DESI1: variants seen among roughly 807,000 people sequenced by gnomAD.
DESI1 encodes the protein PPPDE peptidase domain containing 2.
In DESI1, 17 loss-of-function variants were observed where a neutral mutation model predicts 22.4. The observed-to-expected ratio is 0.76, with a 90% CI of 0.52 to 1.14. The LOEUF (loss-of-function observed/expected upper bound fraction) is 1.14. Ranked by LOEUF, DESI1 falls within the 50% of genes most tolerant of loss-of-function variation. The pLI, the probability that DESI1 is intolerant of heterozygous loss-of-function variation, is 0.00. For synonymous variants in DESI1, 92 were observed against 84.2 expected (o/e 1.09, Z -0.51); for missense variants, 177 against 208.9 (o/e 0.85, Z 0.94).
chr22:41,615,885 C>A (rs906897591), intron 1 of DESI1, among the ~76,000 whole-genome samples: 2 of 152,096 alleles, frequency 1.3e-5, no homozygotes, highest in African/African-American at 4.8e-5. Context: ...ATATTGTTAT[C>A]AAATGTTATA....
Position 41,602,865 on chromosome 22 carries a change from T to A in DESI1, c.413+394A>T, listed in dbSNP as rs903251739. On this transcript the variant is annotated intron_variant, in intron 5 of 5. Coordinates refer to ENST00000263256, the MANE Select transcript of DESI1 (RefSeq NM_015704.3). ...GTGCAGTGTAAGGCAAATCAACAGC[T>A]ACAAAACAAGCCCCCCTACTATTTT... 4 of 990,072 alleles carry A rather than the reference T, an allele frequency of 4.0e-6. No homozygotes were observed. In the African/African-American group the frequency reaches 6.8e-5, roughly 17 times the overall value. The allele number at this position is 990,072 out of a possible 1,614,324, so 61.3% of individuals were successfully genotyped here. A position where few individuals can be genotyped will look rare whatever the true frequency, so the allele number is the denominator to read the frequency against.
intron 3 of DESI1, 95 bp from the exon 4 acceptor site, chr22:41,604,248 GACTTTTTT>G: frequency 4.1e-6 from 2 of 487,982 alleles, no homozygotes; most frequent in Non-Finnish European, 6.4e-6. Flanking sequence ...ACTCTGTTCT[GACTTTTTT>G]TTTTTTTTTT....
intron 1 of DESI1, among the ~76,000 whole-genome samples, chr22:41,619,913 C>G (rs570985198): frequency 1.3e-5 from 2 of 152,282 alleles, no homozygotes; most frequent in Admixed American, 1.3e-4. Flanking sequence ...AAATTACAAA[C>G]CTGACAATTC....
chr22:41,602,700 G>A, intron 5 of DESI1: 3 of 988,698 alleles, frequency 3.0e-6, no homozygotes, highest in Non-Finnish European at 3.6e-6. Context: ...ATGATGGCCT[G>A]CAAGGCTCTT....
At chr22:41,614,506 T>C (rs1412689088) in intron 1 of DESI1, among the ~76,000 whole-genome samples, 1 of 145,830 alleles carries the variant, frequency 6.9e-6, no homozygotes, top group Non-Finnish European at 1.5e-5. Flanking sequence ...GCAACCTCCG[T>C]CTCCGGGGTT....
intron 5 of DESI1, chr22:41,602,872 C>T: frequency 1.1e-6 from 1 of 952,350 alleles, no homozygotes. Flanking sequence ...AGCTACAAAA[C>T]AAGCCCCCCT....
At chr22:41,608,375 G>A (rs1776696925) in intron 1 of DESI1, among the ~76,000 whole-genome samples, 1 of 152,208 alleles carries the variant, frequency 6.6e-6, no homozygotes. Context: ...CCCTTGAGAA[G>A]CTCAAAGTCA....
chr22:41,606,846 G>A (rs1212273808), intron 3 of DESI1, among the ~76,000 whole-genome samples: 1 of 150,650 alleles, frequency 6.6e-6, no homozygotes, highest in East Asian at 1.9e-4. Flanking sequence ...ATAATCCTGG[G>A]TTCTAGGACT....
At chr22:41,618,861 G>C (rs940672861) in intron 1 of DESI1, among the ~76,000 whole-genome samples, 2 of 152,138 alleles carry the variant, frequency 1.3e-5, no homozygotes, top group Non-Finnish European at 2.9e-5. Flanking sequence ...TGAGGAGATC[G>C]AGACCATCCT....
Position 41,601,169 on chromosome 22 carries a change from C to A in DESI1, c.435G>T (p.Arg145=). 1.2e-6 allele frequency: 2 copies of A among 1,611,270 alleles called. No homozygotes were observed. The highest frequency in any genetic ancestry group is 1.7e-6 in the Non-Finnish European group (2 of 1,178,998). ...VLSTPFGQAL[R]PLLDSIQIQP... ...GGATCTGAATGGAGTCCAGGAGGGG[C>A]CGAAGTGCCTGTCCAAAGGGCCTGC... is the stretch of plus-strand genomic sequence containing the variant. The change falls in exon 6 of 6, where the codon CGG becomes CGT. Residue 145 remains arginine, a synonymous_variant. Transcript: ENST00000263256.
At chr22:41,607,967 C>T in intron 1 of DESI1, 106 bp from the exon 2 acceptor site, 5 of 1,272,870 alleles carry the variant, frequency 3.9e-6, no homozygotes, top group South Asian at 3.8e-5. Flanking sequence ...TGTCATAAAC[C>T]TCTTGAGGGA....
intron 5 of DESI1, chr22:41,602,466 G>A: frequency 1.6e-5 from 16 of 985,448 alleles, no homozygotes; most frequent in Non-Finnish European, 1.7e-5. Context: ...AGCTCTTCCT[G>A]GGAGGTGCTT....
At chr22:41,602,621 A>G in intron 5 of DESI1, 1 of 986,562 alleles carries the variant, frequency 1.0e-6, no homozygotes, top group Non-Finnish European at 1.2e-6. Flanking sequence ...CCTGAATGCA[A>G]TCAACGACAA....
chr22:41,605,489 C>T (rs2067473873), intron 3 of DESI1, among the ~76,000 whole-genome samples: 1 of 152,194 alleles, frequency 6.6e-6, no homozygotes, highest in Non-Finnish European at 1.5e-5. Flanking sequence ...CACTGAGCAC[C>T]TCCTACATAG....
chr22:41,620,815 C>T lies in DESI1; in HGVS notation c.25G>A (p.Val9Met). MEPPNLYP[V>M]KLYVYDLSKG... ...GACAGGTCGTACACGTAGAGCTTCA[C>T]CGGATAGAGATTCGGCGGCTCCATT... The change falls in exon 1 of 6, where the codon GTG becomes ATG. Residue 9 changes from valine to methionine, a missense_variant. Coordinates refer to ENST00000263256, the MANE Select transcript of DESI1 (RefSeq NM_015704.3). The T allele has an allele frequency of 6.2e-7, 1 of 1,612,348 alleles. No individual in the cohort carries two copies. Among genetic ancestry groups the T allele is most frequent in the South Asian group, 1.1e-5 (1 of 90,820 alleles).
chr22:41,605,975 T>G (rs868315109), intron 3 of DESI1, among the ~76,000 whole-genome samples: 1 of 151,828 alleles, frequency 6.6e-6, no homozygotes, highest in Non-Finnish European at 1.5e-5. Context: ...ATGTCTACGG[T>G]GTGTTCAAAG....
intron 1 of DESI1, among the ~76,000 whole-genome samples, chr22:41,612,307 G>A (rs981593260): frequency 1.5e-4 from 23 of 151,976 alleles, no homozygotes; most frequent in Non-Finnish European, 3.2e-4. Context: ...TCAGGAGTTC[G>A]AGACCAGCCT....
Position 41,601,204 on chromosome 22 carries a change from G to T in DESI1, c.414-14C>A. The T allele has an allele frequency of 6.3e-7, 1 of 1,599,346 alleles. No homozygotes were observed. Among genetic ancestry groups the T allele is most frequent in the Non-Finnish European group, 8.5e-7 (1 of 1,173,446 alleles). ...TGTCCAAAGGGCCTGCAAGGAAACA[G>T]AGACATGAGAGGGGTGGGCTCTGGG... is the stretch of plus-strand genomic sequence containing the variant. On this transcript the variant is annotated splice_polypyrimidine_tract_variant and intron_variant, in intron 5 of 5. Coordinates refer to ENST00000263256, the MANE Select transcript of DESI1 (RefSeq NM_015704.3).
In DESI1 at chr22:41,605,246, G is replaced by C. The variant is rs140327441; in HGVS notation, c.181-1093C>G. ...AATTCAGTTCTTTTTGGATCTGTGA[G>C]CCTAATCCTTGCCCTATCACCATCA... On this transcript the variant is annotated intron_variant, in intron 3 of 5. Transcript: ENST00000263256. Among the ~76,000 whole-genome samples the C allele has an allele frequency of 1.3e-3, 201 of 152,296 alleles. 1 individual carries two copies. Among genetic ancestry groups the C allele is most frequent in the African/African-American group, 4.6e-3 (191 of 41,550 alleles).
Sources: gnomAD v4.1 joint callset for allele counts (sites outside exome capture counted in the v4.1 genomes callset) on GRCh38, gnomAD v4.1.1 for gene constraint, MANE v1.5 for transcripts, NCBI Gene and HGNC (gene_info 2026-07-23, HGNC 2026-07-21) for gene names.